The following TNR variants were observed in gnomAD, a reference collection of about 807,000 sequenced individuals.
TNR encodes tenascin R.
TNR carries 45 observed loss-of-function variants against 150.4 expected under a neutral mutation model. The ratio of observed to expected loss-of-function variants is 0.30; its 90% CI spans 0.24 to 0.38. TNR has a LOEUF of 0.38. Among genes scored for constraint, TNR ranks in the 10% least tolerant of loss-of-function variants. The pLI, the probability that TNR is intolerant of heterozygous loss-of-function variation, is 1.00. For synonymous variants in TNR, 687 were observed against 678.4 expected (o/e 1.01, Z -0.20); for missense variants, 1,544 against 1,759.1 (o/e 0.88, Z 2.19).
At chr1:175,331,078 C>CTTCTTCT (rs1557868076) in intron 20 of TNR, among the ~76,000 whole-genome samples, 5 of 59,944 alleles carry the variant, frequency 8.3e-5, no homozygotes, top group African/African-American at 3.2e-4. Flanking sequence ...TCTTTCTTTC[C>CTTCTTCT]TTCTTTCTTT....
intron 1 of TNR, among the ~76,000 whole-genome samples, chr1:175,579,165 TTTCC>T (rs60083467): frequency 0.12 from 15,932 of 134,364 alleles, 1,001 homozygotes; most frequent in East Asian, 0.26. Context: ...TCGTTCCTTC[TTTCC>T]TTCCTTCCTT....
At chr1:175,704,873 G>T (rs1001265860) in intron 1 of TNR, among the ~76,000 whole-genome samples, 8 of 152,164 alleles carry the variant, frequency 5.3e-5, no homozygotes, top group Non-Finnish European at 1.0e-4. Context: ...GCTTATCAAC[G>T]GCTCCCTTCT....
chr1:175,510,772 A>T (rs1659137563), intron 2 of TNR, among the ~76,000 whole-genome samples: 1 of 152,214 alleles, frequency 6.6e-6, no homozygotes, highest in Admixed American at 6.5e-5. Flanking sequence ...TCTTTAAAGT[A>T]TCAGATAGTA....
Position 175,356,856 on chromosome 1 carries a change from A to T in TNR, c.2975-394T>A, listed in dbSNP as rs571153106. On this transcript the variant is annotated intron_variant, in intron 15 of 22. Coordinates refer to ENST00000367674, the MANE Select transcript of TNR (RefSeq NM_003285.3). ...TATGTGACAATTTTAAAACCTTCAC[A>T]GTCCTATCTACTTTTCTCTGAACAC... Among the ~76,000 whole-genome samples, 19 of 152,352 alleles carry T rather than the reference A, an allele frequency of 1.2e-4. 1 individual carries two copies. The Middle Eastern group carries it at 0.017, about 136-fold the overall frequency.
chr1:175,496,754 C>T (rs541835439), intron 2 of TNR, among the ~76,000 whole-genome samples: 1 of 152,340 alleles, frequency 6.6e-6, no homozygotes, highest in Non-Finnish European at 1.5e-5. Context: ...GAGTTCTCAT[C>T]TAGTCTTCTG....
chr1:175,516,808 A>G (rs1404314920), intron 2 of TNR, among the ~76,000 whole-genome samples: 1 of 152,120 alleles, frequency 6.6e-6, no homozygotes, highest in Non-Finnish European at 1.5e-5. Context: ...GAAAAAATAC[A>G]TTTTATTTGT....
At chr1:175,459,957 T>C (rs377443476) in intron 2 of TNR, among the ~76,000 whole-genome samples, 30 of 152,334 alleles carry the variant, frequency 2.0e-4, no homozygotes, top group African/African-American at 7.2e-4. Context: ...GAGTTTGCAG[T>C]AATAACGGCT....
At chr1:175,409,231 T>C (rs1021563337) in intron 2 of TNR, among the ~76,000 whole-genome samples, 2 of 152,244 alleles carry the variant, frequency 1.3e-5, no homozygotes, top group Non-Finnish European at 2.9e-5. Context: ...TTTGTTTATC[T>C]GATCCATGTG....
At chr1:175,727,279 G>A (rs1458231023) in intron 1 of TNR, among the ~76,000 whole-genome samples, 1 of 152,190 alleles carries the variant, frequency 6.6e-6, no homozygotes, top group Non-Finnish European at 1.5e-5. Flanking sequence ...ATGGACCCCA[G>A]TTTTCCCAAT....
intron 1 of TNR, among the ~76,000 whole-genome samples, chr1:175,650,795 CA>C (rs1276511013): frequency 1.8e-3 from 2 of 1,134 alleles, no homozygotes; most frequent in Non-Finnish European, 3.3e-3. Flanking sequence ...CCTCCTCCCC[CA>C]TCTCATTACT....
At chr1:175,462,636 A>G (rs929201838) in intron 2 of TNR, among the ~76,000 whole-genome samples, 1 of 152,204 alleles carries the variant, frequency 6.6e-6, no homozygotes, top group African/African-American at 2.4e-5. Context: ...AAGCAGTCTC[A>G]ATATTTGGGT....
intron 12 of TNR, 32 bp from the exon 13 acceptor site, chr1:175,363,859 C>A: frequency 6.3e-7 from 1 of 1,589,196 alleles, no homozygotes; most frequent in African/African-American, 1.3e-5. Flanking sequence ...GGGAAAAAGA[C>A]AGAAAGCACA....
At chr1:175,701,275 C>A (rs1231157826) in intron 1 of TNR, among the ~76,000 whole-genome samples, 66 of 152,204 alleles carry the variant, frequency 4.3e-4, no homozygotes, top group Non-Finnish European at 8.8e-5. Flanking sequence ...GCTCTCCTCT[C>A]TTCACCATCG....
chr1:175,434,028 A>G (rs1655385407), intron 2 of TNR, among the ~76,000 whole-genome samples: 1 of 152,110 alleles, frequency 6.6e-6, no homozygotes, highest in African/African-American at 2.4e-5. Context: ...AGGCCCCATG[A>G]CATTTGCCAT....
At chr1:175,699,535 A>G (rs1666625586) in intron 1 of TNR, among the ~76,000 whole-genome samples, 1 of 152,128 alleles carries the variant, frequency 6.6e-6, no homozygotes, top group Admixed American at 6.5e-5. Flanking sequence ...AGGGGAGATG[A>G]TAATAATCAG....
At chr1:175,522,773 A>C (rs1659691864) in intron 2 of TNR, among the ~76,000 whole-genome samples, 1 of 152,222 alleles carries the variant, frequency 6.6e-6, no homozygotes. Context: ...ACATAAAGAA[A>C]CTCATTCACA....
At chr1:175,702,731 G>A (rs909856779) in intron 1 of TNR, among the ~76,000 whole-genome samples, 3 of 152,212 alleles carry the variant, frequency 2.0e-5, no homozygotes, top group African/African-American at 7.2e-5. Flanking sequence ...AGATGTGGGT[G>A]CACCTGCCCA....
intron 1 of TNR, among the ~76,000 whole-genome samples, chr1:175,691,332 G>A (rs746165892): frequency 1.3e-5 from 2 of 151,994 alleles, no homozygotes; most frequent in Non-Finnish European, 2.9e-5. Context: ...GGAGGAGGAA[G>A]AGGAAGGTAG....
chr1:175,397,023 A>G (rs937656803), intron 4 of TNR, among the ~76,000 whole-genome samples: 2 of 152,198 alleles, frequency 1.3e-5, no homozygotes, highest in Non-Finnish European at 2.9e-5. Flanking sequence ...CATGCACTGG[A>G]GCCAGCTCCT....
Sources: gnomAD v4.1 joint callset for allele counts (sites outside exome capture counted in the v4.1 genomes callset) on GRCh38, gnomAD v4.1.1 for gene constraint, MANE v1.5 for transcripts, NCBI Gene and HGNC (gene_info 2026-07-23, HGNC 2026-07-21) for gene names.